The following DEPTOR variants were observed in gnomAD, a reference collection of about 807,000 sequenced individuals.
The protein encoded by DEPTOR is DEP domain-containing mTOR-interacting protein.
Under a neutral mutation model 41.6 loss-of-function variants are expected in DEPTOR, and 41 were observed. The observed-to-expected ratio is 0.98, with a 90% confidence interval of 0.77 to 1.28. The LOEUF is 1.28. Ranked by LOEUF, DEPTOR falls within the 50% of genes most tolerant of loss-of-function variation. The pLI, the probability that DEPTOR is intolerant of heterozygous loss-of-function variation, is 0.00. For missense variants in DEPTOR, 514 were observed against 527.9 expected, an observed-to-expected ratio of 0.97 and a Z score of 0.26; for synonymous variants, 195 against 192.3, an observed-to-expected ratio of 1.01 and a Z score of -0.12.
rs558295835 is a variant in DEPTOR at position 120,011,877 on chromosome 8, G to A, written c.1101+2744G>A. On this transcript the variant is annotated intron_variant, in intron 8 of 8. Coordinates refer to ENST00000286234, the MANE Select transcript of DEPTOR (RefSeq NM_022783.4). ...CAGAGGTACACAGTGGTTTTCTTAT[G>A]TTATAGAGCTTTACAGAGTTCATTA... is the stretch of plus-strand genomic sequence containing the variant. 1.2e-4 allele frequency among the ~76,000 whole-genome samples: 18 copies of A among 152,158 alleles called. No homozygotes were observed. In the South Asian group the frequency reaches 2.7e-3, roughly 23 times the overall value.
chr8:119,921,941 T>C (rs1827901384), intron 1 of DEPTOR, among the ~76,000 whole-genome samples: 1 of 151,790 alleles, frequency 6.6e-6, no homozygotes, highest in African/African-American at 2.4e-5. Context: ...TTTTGTAGTA[T>C]TTAAACATAA....
chr8:119,915,945 T>TAAAAA (rs201870960), intron 1 of DEPTOR, among the ~76,000 whole-genome samples: 18 of 126,668 alleles, frequency 1.4e-4, no homozygotes, highest in African/African-American at 3.9e-4. Flanking sequence ...CTTCATTTGT[T>TAAAAA]AAAAAAAAAA....
chr8:119,951,133 C>T (rs1429715175), intron 3 of DEPTOR, among the ~76,000 whole-genome samples: 1 of 152,098 alleles, frequency 6.6e-6, no homozygotes, highest in Non-Finnish European at 1.5e-5. Flanking sequence ...TCCTTCATCA[C>T]TTCATCTTAC....
At chr8:119,972,236 T>C (rs1001455912) in intron 4 of DEPTOR, among the ~76,000 whole-genome samples, 1 of 152,226 alleles carries the variant, frequency 6.6e-6, no homozygotes, top group Non-Finnish European at 1.5e-5. Flanking sequence ...GCTCTTACTA[T>C]ATCCCAGCCA....
At chr8:119,959,232 G>A (rs897197511) in intron 3 of DEPTOR, among the ~76,000 whole-genome samples, 9 of 140,856 alleles carry the variant, frequency 6.4e-5, no homozygotes, top group East Asian at 2.1e-4. Flanking sequence ...GCGCCATCTC[G>A]GCTCACTGCA....
At chr8:119,930,943 G>A (rs1445619280) in intron 3 of DEPTOR, among the ~76,000 whole-genome samples, 1 of 152,112 alleles carries the variant, frequency 6.6e-6, no homozygotes, top group African/African-American at 2.4e-5. Context: ...CAGGCACGGT[G>A]GCTTATGCCT....
intron 1 of DEPTOR, among the ~76,000 whole-genome samples, chr8:119,877,062 C>T (rs1291094652): frequency 6.6e-6 from 1 of 152,098 alleles, no homozygotes; most frequent in African/African-American, 2.4e-5. Flanking sequence ...TCTGCCTCCA[C>T]CATTTATTCT....
chr8:119,918,361 C>A (rs1827841177), intron 1 of DEPTOR, among the ~76,000 whole-genome samples: 1 of 152,160 alleles, frequency 6.6e-6, no homozygotes, highest in Admixed American at 6.5e-5. Flanking sequence ...CCTGGAAGGG[C>A]TCTGTATAGG....
intron 1 of DEPTOR, among the ~76,000 whole-genome samples, chr8:119,921,461 A>G (rs1563966166): frequency 1.3e-5 from 2 of 152,228 alleles, no homozygotes; most frequent in Non-Finnish European, 2.9e-5. Flanking sequence ...TTCTGACTAC[A>G]AAAGAAAAAA....
At chr8:119,893,025 C>T (rs1827471663) in intron 1 of DEPTOR, among the ~76,000 whole-genome samples, 1 of 152,070 alleles carries the variant, frequency 6.6e-6, no homozygotes, top group African/African-American at 2.4e-5. Flanking sequence ...TCAGGTTATC[C>T]ACCTGCCTCG....
chr8:119,904,549 C>T (rs2129761743), intron 1 of DEPTOR, among the ~76,000 whole-genome samples: 1 of 152,178 alleles, frequency 6.6e-6, no homozygotes, highest in East Asian at 1.9e-4. Context: ...GGCTGCAGAG[C>T]AGTGGTGTGA....
At chr8:119,905,464 C>A (rs1371757906) in intron 1 of DEPTOR, among the ~76,000 whole-genome samples, 1 of 152,052 alleles carries the variant, frequency 6.6e-6, no homozygotes, top group Admixed American at 6.6e-5. Flanking sequence ...CATACAGAGA[C>A]AAGAGCAGGT....
chr8:120,050,823 G>A lies in DEPTOR; in HGVS notation c.*1119G>A, dbSNP rs1813225342. ...TCAAAGTGCCAAATTAGGCAGTCAG[G>A]AAATACTAAATTCTTCATTCCAAAT... is the stretch of plus-strand genomic sequence containing the variant. On this transcript the variant is annotated 3_prime_UTR_variant, in exon 9 of 9. Transcript: ENST00000286234. 1.3e-5 allele frequency: 2 copies of A among 152,006 alleles called. 1 individual carries two copies. The highest frequency in any genetic ancestry group is 4.1e-4 in the South Asian group (2 of 4,824). The allele number at this position is 152,006 out of a possible 1,614,324, so 9.4% of individuals were successfully genotyped here.
At chr8:119,967,798 T>C (rs1437614994) in intron 4 of DEPTOR, among the ~76,000 whole-genome samples, 1 of 152,086 alleles carries the variant, frequency 6.6e-6, no homozygotes, top group Non-Finnish European at 1.5e-5. Flanking sequence ...ACAGTACTTT[T>C]ATTTCATTTA....
chr8:120,019,536 C>T (rs1171189752), intron 8 of DEPTOR, among the ~76,000 whole-genome samples: 1 of 152,142 alleles, frequency 6.6e-6, no homozygotes, highest in East Asian at 1.9e-4. Context: ...ATCTTGGCTC[C>T]ATTCCTCACG....
intron 3 of DEPTOR, among the ~76,000 whole-genome samples, chr8:119,936,997 C>T (rs567854918): frequency 1.0e-3 from 156 of 151,944 alleles, no homozygotes; most frequent in African/African-American, 3.6e-3. Context: ...GCACTCCAGC[C>T]TGGGTGACAG....
At chr8:119,939,938 C>T (rs1828180136) in intron 3 of DEPTOR, among the ~76,000 whole-genome samples, 1 of 151,980 alleles carries the variant, frequency 6.6e-6, no homozygotes, top group African/African-American at 2.4e-5. Context: ...AATTACCAGG[C>T]CAGGCGCAGT....
At chr8:119,925,583 A>G (rs553433229) in intron 1 of DEPTOR, among the ~76,000 whole-genome samples, 3 of 152,148 alleles carry the variant, frequency 2.0e-5, no homozygotes, top group Non-Finnish European at 2.9e-5. Context: ...TTGGGTGGGG[A>G]CACAGTCAAA....
intron 3 of DEPTOR, among the ~76,000 whole-genome samples, chr8:119,949,926 C>G (rs905607134): frequency 2.6e-5 from 4 of 152,154 alleles, no homozygotes; most frequent in African/African-American, 9.7e-5. Context: ...GTGATCCACC[C>G]ACCTCAGCCT....
Sources: gnomAD v4.1 joint callset for allele counts (sites outside exome capture counted in the v4.1 genomes callset) on GRCh38, gnomAD v4.1.1 for gene constraint, MANE v1.5 for transcripts, NCBI Gene and HGNC (gene_info 2026-07-23, HGNC 2026-07-21) for gene names.